CFAP210: variants seen among roughly 807,000 people sequenced by gnomAD.
The protein encoded by CFAP210 is cilia- and flagella- associated protein 210.
the CFAP210 span, chr2:169,681,219 C>T: frequency 6.2e-7 from 1 of 1,608,724 alleles, no homozygotes; most frequent in Non-Finnish European, 8.5e-7. Context: ...TGATCTTCTT[C>T]AGAGTTTCTT....
At chr2:169,656,498 GGGAGGA>G in the CFAP210 span, among the ~76,000 whole-genome samples, 36,326 of 149,832 alleles carry the variant, frequency 0.24, 4,507 homozygotes, top group Non-Finnish European at 0.27. Flanking sequence ...AAGGAGGTGC[GGGAGGA>G]GGAGGAGGAG....
chr2:169,657,733 A>C, the CFAP210 span, among the ~76,000 whole-genome samples: 3 of 149,634 alleles, frequency 2.0e-5, no homozygotes, highest in East Asian at 3.9e-4. Context: ...AAAATGAAAC[A>C]AAAAAAAAAT....
At chr2:169,689,656 A>C in the CFAP210 span, among the ~76,000 whole-genome samples, 153 of 152,308 alleles carry the variant, frequency 1.0e-3, no homozygotes, top group Non-Finnish European at 2.0e-3. Context: ...GTTAAACAGA[A>C]GTGACGAAAG....
chr2:169,691,958 G>A, the CFAP210 span, among the ~76,000 whole-genome samples: 1 of 152,156 alleles, frequency 6.6e-6, no homozygotes, highest in Non-Finnish European at 1.5e-5. Flanking sequence ...TTTGCCAAAG[G>A]ACTGTCTATG....
At chr2:169,674,926 C>T in the CFAP210 span, 2 of 1,536,532 alleles carry the variant, frequency 1.3e-6, no homozygotes, top group Admixed American at 2.1e-5. Flanking sequence ...TTTTCAATGG[C>T]CTTTTTTCTT....
the CFAP210 span, among the ~76,000 whole-genome samples, chr2:169,663,857 A>C: frequency 6.6e-6 from 1 of 151,898 alleles, no homozygotes; most frequent in African/African-American, 2.4e-5. Flanking sequence ...TATATCTACC[A>C]ATCTCCTAGA....
At chr2:169,650,083 G>A in the CFAP210 span, among the ~76,000 whole-genome samples, 17 of 152,066 alleles carry the variant, frequency 1.1e-4, no homozygotes, top group Non-Finnish European at 2.2e-4. Context: ...TAACCTTTGC[G>A]TTTCAGATGG....
the CFAP210 span, chr2:169,660,944 T>C: frequency 2.1e-6 from 1 of 468,484 alleles, no homozygotes; most frequent in South Asian, 1.7e-5. Flanking sequence ...AATGTTCTTC[T>C]ATAATAGCTG....
the CFAP210 span, among the ~76,000 whole-genome samples, chr2:169,682,897 T>C: frequency 6.6e-6 from 1 of 152,212 alleles, no homozygotes; most frequent in African/African-American, 2.4e-5. Flanking sequence ...CAGTATCTAC[T>C]GTACGTAAAG....
At chr2:169,682,665 C>CTG in the CFAP210 span, among the ~76,000 whole-genome samples, 32 of 152,174 alleles carry the variant, frequency 2.1e-4, no homozygotes, top group East Asian at 5.6e-3. Context: ...GGAGGTAAGA[C>CTG]ATCAAAGGAA....
At chr2:169,675,103 CATA>C in the CFAP210 span, 19 of 1,173,114 alleles carry the variant, frequency 1.6e-5, no homozygotes, top group Non-Finnish European at 2.0e-5. Context: ...TACAGTTTAA[CATA>C]ATAATATGAT....
At chr2:169,646,220 T>C in the CFAP210 span, 6 of 1,452,362 alleles carry the variant, frequency 4.1e-6, no homozygotes, top group Admixed American at 1.2e-4. Flanking sequence ...TTAATATTGG[T>C]TAAGAACATG....
the CFAP210 span, among the ~76,000 whole-genome samples, chr2:169,682,580 G>A: frequency 6.6e-6 from 1 of 152,048 alleles, no homozygotes; most frequent in East Asian, 1.9e-4. Context: ...AAAATTGATT[G>A]GCTGAGTCTT....
At chr2:169,651,202 G>C in the CFAP210 span, among the ~76,000 whole-genome samples, 1 of 145,742 alleles carries the variant, frequency 6.9e-6, no homozygotes, top group East Asian at 2.0e-4. Context: ...ACTCCAGCCT[G>C]GGCGACAGAG....
the CFAP210 span, among the ~76,000 whole-genome samples, chr2:169,671,432 T>C: frequency 5.9e-5 from 9 of 152,220 alleles, no homozygotes; most frequent in Admixed American, 1.3e-4. Flanking sequence ...CATTACATTC[T>C]AATTATTTGT....
At chr2:169,678,860 A>G in the CFAP210 span, among the ~76,000 whole-genome samples, 1 of 152,084 alleles carries the variant, frequency 6.6e-6, no homozygotes, top group South Asian at 2.1e-4. Flanking sequence ...ATTAAAATTA[A>G]AAGAATCATA....
At chr2:169,656,388 AGAG>A in the CFAP210 span, among the ~76,000 whole-genome samples, 14 of 86,536 alleles carry the variant, frequency 1.6e-4, no homozygotes, top group Admixed American at 4.8e-4. Flanking sequence ...AAGAGGAGGA[AGAG>A]GAGGAGGAGG....
At chr2:169,652,206 T>C in the CFAP210 span, among the ~76,000 whole-genome samples, 1 of 152,010 alleles carries the variant, frequency 6.6e-6, no homozygotes, top group Non-Finnish European at 1.5e-5. Context: ...AAATTACAAT[T>C]TAAAGTGGAG....
the CFAP210 span, among the ~76,000 whole-genome samples, chr2:169,660,254 G>T: frequency 1.3e-5 from 2 of 151,864 alleles, no homozygotes; most frequent in Admixed American, 1.3e-4. Flanking sequence ...GCTGAGCGTG[G>T]TGGTGCGTGC....
Sources: gnomAD v4.1 joint callset for allele counts (sites outside exome capture counted in the v4.1 genomes callset) on GRCh38, gnomAD v4.1.1 for gene constraint, MANE v1.5 for transcripts, NCBI Gene and HGNC (gene_info 2026-07-23, HGNC 2026-07-21) for gene names.